Variants in FRMD4B observed in about 807,000 individuals in gnomAD.
FRMD4B encodes the protein FERM domain containing 4B.
Under a neutral mutation model 141.5 loss-of-function variants are expected in FRMD4B, and 74 were observed. That is an observed-to-expected ratio of 0.52 (90% CI 0.43 to 0.63). The LOEUF is 0.63. Among genes scored for constraint, FRMD4B ranks in the 30% least tolerant of loss-of-function variants. The pLI is 0.00. For synonymous variants in FRMD4B, 506 were observed against 467.9 expected, an observed-to-expected ratio of 1.08 and a Z score of -1.05; for missense variants, 1,366 against 1,253.4, an observed-to-expected ratio of 1.09 and a Z score of -1.36.
At chr3:69,359,112 C>T (rs139520973) in intron 1 of FRMD4B, among the ~76,000 whole-genome samples, 17 of 152,260 alleles carry the variant, frequency 1.1e-4, no homozygotes, top group Non-Finnish European at 2.2e-4. Context: ...GGTGGGGGAA[C>T]AGCAGTGAGC....
At chr3:69,521,793 T>A (rs1055871508) in intron 1 of FRMD4B, among the ~76,000 whole-genome samples, 2 of 152,176 alleles carry the variant, frequency 1.3e-5, no homozygotes, top group African/African-American at 4.8e-5. Context: ...GACATTCCCA[T>A]GGCGGGGTCT....
chr3:69,306,708 G>A (rs1701405020), intron 3 of FRMD4B: 1 of 152,094 alleles, frequency 6.6e-6, no homozygotes, highest in South Asian at 2.1e-4. Context: ...CTATTTTTCC[G>A]TTTCTCCTCT....
In FRMD4B at chr3:69,465,319, C is replaced by CAAAAA. The variant is rs370690960; in HGVS notation, c.-128-32563_-128-32559dup. ...TGGGTAACAGAGCGAGGCTCCGTCTCAAAAAAAAAAAAAAAAACCTTCAGG... is the reference window on the plus strand; with the variant it reads ...TGGGTAACAGAGCGAGGCTCCGTCTCAAAAAAAAAAAAAAAAAAAAAACCTTCAGG... On this transcript the variant is annotated intron_variant, in intron 1 of 5. Transcript: ENST00000459638. 2.9e-3 allele frequency among the ~76,000 whole-genome samples: 316 copies of CAAAAA among 109,070 alleles called. 1 individual carries two copies. Among genetic ancestry groups the CAAAAA allele is most frequent in the African/African-American group, 9.7e-3 (303 of 31,174 alleles). 71.6% of individuals were successfully genotyped at this position (109,070 alleles called of 152,430 possible).
intron 7 of FRMD4B, among the ~76,000 whole-genome samples, chr3:69,229,019 T>G (rs201885582): frequency 1.7e-3 from 254 of 148,226 alleles, no homozygotes; most frequent in African/African-American, 5.8e-3. Context: ...AATCATGTTT[T>G]TTTTTTTTTT....
Position 69,181,606 on chromosome 3 carries a change from G to A in FRMD4B, c.2144C>T (p.Ser715Phe), listed in dbSNP as rs1189803170. The A allele has an allele frequency of 6.8e-6, 11 of 1,613,652 alleles. No individual in the cohort carries two copies. The highest frequency in any genetic ancestry group is 9.3e-6 in the Non-Finnish European group (11 of 1,179,718). Residue 715 changes from serine (S) to phenylalanine (F), a missense_variant, in exon 21 of 23, where the codon TCC (serine) becomes TTC (phenylalanine). By Grantham distance (155) the Ser-to-Phe change is radical. Coordinates refer to ENST00000398540, the MANE Select transcript of FRMD4B (RefSeq NM_015123.3). ...TGTGCTGCTGCTTCTTTGGGATTTGGAGAGGGAGAAAAATGGCTTATCGCT... is the reference window on the plus strand; with the variant it reads ...TGTGCTGCTGCTTCTTTGGGATTTGAAGAGGGAGAAAAATGGCTTATCGCT... ...MDSDKPFFSL[S>F]KSQRSSSTEI...
At chr3:69,283,975 C>CAAAAAAAAAAAA (rs544611686) in intron 5 of FRMD4B, among the ~76,000 whole-genome samples, 1 of 147,272 alleles carries the variant, frequency 6.8e-6, no homozygotes, top group Admixed American at 6.8e-5. Flanking sequence ...CAAAACAAAA[C>CAAAAAAAAAAAA]AAAAAAAACA....
chr3:69,256,288 G>T (rs896454186), intron 5 of FRMD4B, among the ~76,000 whole-genome samples: 2 of 152,138 alleles, frequency 1.3e-5, no homozygotes, highest in African/African-American at 4.8e-5. Flanking sequence ...CATGGAGGTA[G>T]GAATATGCTG....
chr3:69,360,528 T>A (rs999047161), intron 1 of FRMD4B, among the ~76,000 whole-genome samples: 2 of 152,218 alleles, frequency 1.3e-5, no homozygotes, highest in Non-Finnish European at 2.9e-5. Context: ...TGGTTGATAT[T>A]TTCCTTAGGT....
chr3:69,435,883 A>G (rs1156331515), intron 1 of FRMD4B, among the ~76,000 whole-genome samples: 1 of 152,226 alleles, frequency 6.6e-6, no homozygotes, highest in Non-Finnish European at 1.5e-5. Context: ...TCATGAATAT[A>G]GCCAGTTTTT....
chr3:69,378,111 A>G (rs1016761008), intron 1 of FRMD4B, among the ~76,000 whole-genome samples: 3 of 151,814 alleles, frequency 2.0e-5, no homozygotes, highest in African/African-American at 2.4e-5. Flanking sequence ...TCAGTCACCA[A>G]TCCTACTTCT....
At chr3:69,487,364 T>C (rs141813368) in intron 1 of FRMD4B, among the ~76,000 whole-genome samples, 2 of 152,350 alleles carry the variant, frequency 1.3e-5, no homozygotes, top group East Asian at 1.9e-4. Context: ...ATCAGATACA[T>C]AAGGATCTTA....
At chr3:69,501,209 A>G (rs1401568718) in intron 1 of FRMD4B, among the ~76,000 whole-genome samples, 1 of 150,122 alleles carries the variant, frequency 6.7e-6, no homozygotes, top group Admixed American at 6.7e-5. Flanking sequence ...AAACACTATA[A>G]GGTTTATGCA....
At position 69,536,330 on chromosome 3, in the gene FRMD4B, T is replaced by C. The variant is rs906689363; in HGVS notation, c.-129+5876A>G. 7 of 660,130 alleles carry C rather than the reference T, an allele frequency of 1.1e-5. No homozygotes were observed. In the African/African-American group the frequency reaches 1.3e-4, roughly 12 times the overall value. The allele number at this position is 660,130 out of a possible 1,614,324, so 40.9% of individuals were successfully genotyped here. Reference sequence around the variant, plus strand: ...TTGTGCTTGGGATCTAATTTGAAGCTGCCAGTGGCCCCCCTTGCTTCGGAG... The same window carrying C: ...TTGTGCTTGGGATCTAATTTGAAGCCGCCAGTGGCCCCCCTTGCTTCGGAG... On this transcript the variant is annotated intron_variant, in intron 1 of 5. Transcript: ENST00000459638.
At chr3:69,473,103 C>G (rs770478305) in intron 1 of FRMD4B, among the ~76,000 whole-genome samples, 8 of 151,870 alleles carry the variant, frequency 5.3e-5, no homozygotes, top group Non-Finnish European at 8.8e-5. Context: ...GGATGTTCCC[C>G]AAAGGAATGA....
chr3:69,414,506 A>G (rs4241389), intron 2 of FRMD4B, among the ~76,000 whole-genome samples: 106,091 of 152,272 alleles, frequency 0.7, 37,967 homozygotes, highest in African/African-American at 0.86. Context: ...TTCGATGAAC[A>G]TGTTGTGGTC....
At chr3:69,185,012 A>G (rs2092749754) in intron 19 of FRMD4B, among the ~76,000 whole-genome samples, 2 of 152,364 alleles carry the variant, frequency 1.3e-5, no homozygotes, top group South Asian at 2.1e-4. Flanking sequence ...AATTAGAAAT[A>G]TAACAATGTG....
chr3:69,231,846 C>T (rs1463566421), intron 7 of FRMD4B, among the ~76,000 whole-genome samples: 1 of 152,166 alleles, frequency 6.6e-6, no homozygotes, highest in African/African-American at 2.4e-5. Flanking sequence ...TAAGCTCGAT[C>T]GTTTCCATAG....
chr3:69,338,249 T>G (rs368045091), intron 1 of FRMD4B, among the ~76,000 whole-genome samples: 2 of 152,104 alleles, frequency 1.3e-5, no homozygotes, highest in African/African-American at 4.8e-5. Context: ...TAGGTGGGAA[T>G]TGAACAATGA....
intron 1 of FRMD4B, among the ~76,000 whole-genome samples, chr3:69,538,251 T>A (rs1272604750): frequency 6.6e-6 from 1 of 152,216 alleles, no homozygotes; most frequent in Non-Finnish European, 1.5e-5. Context: ...CAAGACGCTC[T>A]TGAAGTCAGT....
Sources: gnomAD v4.1 joint callset for allele counts (sites outside exome capture counted in the v4.1 genomes callset) on GRCh38, gnomAD v4.1.1 for gene constraint, MANE v1.5 for transcripts, NCBI Gene and HGNC (gene_info 2026-07-23, HGNC 2026-07-21) for gene names.